Variants in CWF19L2 observed in about 807,000 individuals in gnomAD.
CWF19L2 encodes CWF19 like cell cycle control factor 2.
A neutral mutation model predicts 111.7 loss-of-function variants in CWF19L2; 98 were observed. That is an observed-to-expected ratio of 0.88 (90% confidence interval 0.75 to 1.04). CWF19L2 has a LOEUF of 1.04. CWF19L2 is among the 50% of genes least tolerant of loss of function. The probability of loss-of-function intolerance (pLI) is 0.00; values close to 1 mark genes in which losing one functional copy is unlikely to be tolerated. For synonymous variants in CWF19L2, 351 were observed against 342.9 expected (o/e 1.02, Z -0.26); for missense variants, 1,101 against 1,051.4 (o/e 1.05, Z -0.65).
At chr11:107,332,009 G>C (rs1404871047) in intron 16 of CWF19L2, among the ~76,000 whole-genome samples, 1 of 152,184 alleles carries the variant, frequency 6.6e-6, no homozygotes, top group Non-Finnish European at 1.5e-5. Context: ...GGCACTGACA[G>C]AATTAAAGCA....
intron 12 of CWF19L2, among the ~76,000 whole-genome samples, chr11:107,378,151 A>C (rs1274044103): frequency 1.3e-5 from 2 of 150,214 alleles, no homozygotes; most frequent in African/African-American, 2.5e-5. Context: ...AAATAGGAAC[A>C]CTTTTACACT....
At chr11:107,402,873 G>GTGTGTGTATGTATATATA (rs1247886311) in intron 10 of CWF19L2, among the ~76,000 whole-genome samples, 1 of 94,468 alleles carries the variant, frequency 1.1e-5, no homozygotes, top group Non-Finnish European at 2.0e-5. Flanking sequence ...ACTGTGGTGT[G>GTGTGTGTATGTATATATA]TATATATATA....
At chr11:107,440,208 G>A (rs543804719) in intron 5 of CWF19L2, among the ~76,000 whole-genome samples, 1 of 152,134 alleles carries the variant, frequency 6.6e-6, no homozygotes, top group Non-Finnish European at 1.5e-5. Flanking sequence ...CTGGGAGTGG[G>A]GGGTTAGAAA....
At chr11:107,412,297 G>A (rs545602854) in intron 10 of CWF19L2, among the ~76,000 whole-genome samples, 65 of 152,108 alleles carry the variant, frequency 4.3e-4, no homozygotes, top group Non-Finnish European at 8.8e-4. Flanking sequence ...CTTACCACAC[G>A]ATCCAGCAAC....
intron 11 of CWF19L2, among the ~76,000 whole-genome samples, chr11:107,391,035 T>C (rs1036577664): frequency 2.0e-5 from 3 of 152,188 alleles, no homozygotes; most frequent in Non-Finnish European, 4.4e-5. Flanking sequence ...GTTTTCGGAT[T>C]CTTGGACTTA....
chr11:107,406,718 T>C (rs923893995), intron 10 of CWF19L2, among the ~76,000 whole-genome samples: 5 of 151,708 alleles, frequency 3.3e-5, no homozygotes, highest in Admixed American at 1.3e-4. Context: ...TCTTAGAGGC[T>C]ATTAACTTTT....
At chr11:107,432,037 A>G (rs1437909506) in intron 7 of CWF19L2, among the ~76,000 whole-genome samples, 1 of 152,126 alleles carries the variant, frequency 6.6e-6, no homozygotes, top group Non-Finnish European at 1.5e-5. Flanking sequence ...GGGGTGGGGA[A>G]GGCCTGTCAA....
intron 5 of CWF19L2, among the ~76,000 whole-genome samples, chr11:107,440,807 T>C (rs1861610294): frequency 6.6e-6 from 1 of 152,046 alleles, no homozygotes; most frequent in South Asian, 2.1e-4. Flanking sequence ...CCAAAAAACA[T>C]GAAAAGACCT....
chr11:107,347,883 T>C (rs1252649397), intron 14 of CWF19L2, among the ~76,000 whole-genome samples: 2 of 152,176 alleles, frequency 1.3e-5, no homozygotes, highest in Admixed American at 1.3e-4. Context: ...TGGCACTGCA[T>C]TTTGCTCTAA....
intron 12 of CWF19L2, among the ~76,000 whole-genome samples, chr11:107,384,071 C>G (rs1860730904): frequency 6.6e-6 from 1 of 152,186 alleles, no homozygotes; most frequent in Non-Finnish European, 1.5e-5. Context: ...CCCAGTAGAA[C>G]ACCTCATACA....
intron 7 of CWF19L2, 112 bp from the exon 8 acceptor site, chr11:107,429,563 T>G: frequency 1.3e-6 from 1 of 752,836 alleles, no homozygotes; most frequent in Non-Finnish European, 2.1e-6. Flanking sequence ...AAAAGCCCAC[T>G]AACGGGGTGA....
intron 13 of CWF19L2, among the ~76,000 whole-genome samples, chr11:107,349,738 G>T (rs949141955): frequency 6.6e-6 from 1 of 151,944 alleles, no homozygotes; most frequent in Non-Finnish European, 1.5e-5. Flanking sequence ...TATTTTGCAT[G>T]GCAGACATTA....
intron 14 of CWF19L2, among the ~76,000 whole-genome samples, chr11:107,339,507 G>A (rs1233717966): frequency 6.6e-6 from 1 of 152,040 alleles, no homozygotes; most frequent in Non-Finnish European, 1.5e-5. Context: ...GGTTGTCAAT[G>A]TGTTTTATTT....
At chr11:107,396,454 C>T (rs1207391439) in intron 10 of CWF19L2, among the ~76,000 whole-genome samples, 1 of 152,096 alleles carries the variant, frequency 6.6e-6, no homozygotes, top group African/African-American at 2.4e-5. Flanking sequence ...ATAAAAGAAC[C>T]TTCTGGCTGA....
intron 10 of CWF19L2, among the ~76,000 whole-genome samples, chr11:107,394,728 AC>A (rs1374906200): frequency 6.6e-6 from 1 of 152,112 alleles, no homozygotes; most frequent in Non-Finnish European, 1.5e-5. Context: ...AAACAAAGTC[AC>A]CTTCACTTTC....
intron 6 of CWF19L2, among the ~76,000 whole-genome samples, chr11:107,435,121 G>A (rs1391550895): frequency 3.3e-5 from 5 of 152,030 alleles, no homozygotes; most frequent in Admixed American, 3.3e-4. Context: ...CTCCCATTCA[G>A]ATCTCAAAAG....
In CWF19L2 at chr11:107,334,869, A is replaced by T; in HGVS notation, c.2439+12T>A. 6.6e-7 allele frequency: 1 copy of T among 1,525,718 alleles called. No individual in the cohort carries two copies. The highest frequency in any genetic ancestry group is 2.3e-5 in the East Asian group (1 of 44,358). 94.5% of individuals were successfully genotyped at this position (1,525,718 alleles called of 1,614,324 possible). A position where few individuals can be genotyped will look rare whatever the true frequency, so the allele number is the denominator to read the frequency against. ...TAGGGTAATTTCTTTTACCAGGAAA[A>T]AACATACTTACAGACTTTCTGATAT... On this transcript the variant is annotated intron_variant, in intron 16 of 17. Transcript: ENST00000282251.
chr11:107,385,841 T>A (rs1187739492), intron 12 of CWF19L2, among the ~76,000 whole-genome samples: 2 of 152,224 alleles, frequency 1.3e-5, no homozygotes, highest in Non-Finnish European at 2.9e-5. Flanking sequence ...AGTTATTCAG[T>A]AGCTATTTCA....
chr11:107,421,747 A>G (rs1454957865), intron 8 of CWF19L2, among the ~76,000 whole-genome samples: 1 of 152,120 alleles, frequency 6.6e-6, no homozygotes, highest in East Asian at 1.9e-4. Flanking sequence ...ACTCTTATAC[A>G]CTGTTGGTGA....
Sources: gnomAD v4.1 joint callset for allele counts (sites outside exome capture counted in the v4.1 genomes callset) on GRCh38, gnomAD v4.1.1 for gene constraint, MANE v1.5 for transcripts, NCBI Gene and HGNC (gene_info 2026-07-23, HGNC 2026-07-21) for gene names.